PAPPA2: variants seen among roughly 807,000 people sequenced by gnomAD.
PAPPA2 encodes the protein pappalysin 2.
A neutral mutation model predicts 176.4 loss-of-function variants in PAPPA2; 86 were observed. The ratio of observed to expected loss-of-function variants is 0.49; its 90% CI spans 0.41 to 0.58. The LOEUF (loss-of-function observed/expected upper bound fraction) is 0.58, where lower values mean the gene tolerates loss of function less well. PAPPA2 is among the 20% of genes least tolerant of loss of function. PAPPA2 has a pLI of 0.00. For synonymous variants in PAPPA2, 809 were observed against 852.2 expected, an observed-to-expected ratio of 0.95 and a Z score of 0.88; for missense variants, 2,073 against 2,256.9, an observed-to-expected ratio of 0.92 and a Z score of 1.65.
chr1:176,761,685 T>C (rs991182171), intron 14 of PAPPA2, among the ~76,000 whole-genome samples: 4 of 152,196 alleles, frequency 2.6e-5, no homozygotes, highest in African/African-American at 9.6e-5. Context: ...CCGTGGGAGA[T>C]GGCCCGGTGG....
chr1:176,640,479 G>A (rs1657009666), intron 3 of PAPPA2, among the ~76,000 whole-genome samples: 1 of 151,550 alleles, frequency 6.6e-6, no homozygotes, highest in Non-Finnish European at 1.5e-5. Flanking sequence ...TACTGAGAAT[G>A]ATGATTTCCA....
At chr1:176,832,660 G>C (rs941364419) in intron 21 of PAPPA2, among the ~76,000 whole-genome samples, 4 of 152,132 alleles carry the variant, frequency 2.6e-5, no homozygotes, top group Non-Finnish European at 5.9e-5. Flanking sequence ...GCCATATTCT[G>C]TGCTTTTAAT....
At chr1:176,816,996 A>T (rs961433395) in intron 21 of PAPPA2, among the ~76,000 whole-genome samples, 2 of 152,116 alleles carry the variant, frequency 1.3e-5, no homozygotes, top group African/African-American at 4.8e-5. Context: ...ATCATGTTAG[A>T]TCCTAGGAAT....
chr1:176,608,420 A>G (rs925965969), intron 3 of PAPPA2, among the ~76,000 whole-genome samples: 13 of 152,306 alleles, frequency 8.5e-5, no homozygotes, highest in African/African-American at 2.9e-4. Flanking sequence ...ACTTTAAAAT[A>G]TATTATTGGC....
At chr1:176,613,203 C>T (rs1174132712) in intron 3 of PAPPA2, among the ~76,000 whole-genome samples, 1 of 152,158 alleles carries the variant, frequency 6.6e-6, no homozygotes, top group African/African-American at 2.4e-5. Flanking sequence ...AACTCCATTT[C>T]CTTCTTTCAC....
chr1:176,598,359 A>T (rs547175945), intron 3 of PAPPA2, among the ~76,000 whole-genome samples: 119 of 151,968 alleles, frequency 7.8e-4, no homozygotes, highest in Non-Finnish European at 1.4e-3. Context: ...TTGATTTCTG[A>T]TGATACAGAC....
chr1:176,617,852 T>C (rs1655359415), intron 3 of PAPPA2, among the ~76,000 whole-genome samples: 1 of 152,144 alleles, frequency 6.6e-6, no homozygotes, highest in Non-Finnish European at 1.5e-5. Context: ...TAAACTGTGG[T>C]GCATGGAGAA....
intron 14 of PAPPA2, among the ~76,000 whole-genome samples, chr1:176,742,354 T>C (rs562154297): frequency 6.6e-6 from 1 of 152,256 alleles, no homozygotes; most frequent in South Asian, 2.1e-4. Flanking sequence ...GGAACAAGAA[T>C]TCCCCTTACA....
chr1:176,789,403 G>A (rs202099620), intron 17 of PAPPA2, among the ~76,000 whole-genome samples: 3 of 151,936 alleles, frequency 2.0e-5, no homozygotes, highest in African/African-American at 7.3e-5. Context: ...GGACTGTTGT[G>A]GGGTGGGGGG....
intron 2 of PAPPA2, among the ~76,000 whole-genome samples, chr1:176,560,687 C>A (rs1651614206): frequency 6.6e-6 from 1 of 152,258 alleles, no homozygotes. Context: ...ACGTGTGTAA[C>A]TTTTAAGCTC....
intron 20 of PAPPA2, among the ~76,000 whole-genome samples, chr1:176,794,707 G>A (rs1016719108): frequency 1.3e-5 from 2 of 152,084 alleles, no homozygotes; most frequent in African/African-American, 4.8e-5. Context: ...TTGTGAGACT[G>A]AGAAGAGAGG....
chr1:176,793,466 T>C, intron 19 of PAPPA2, 94 bp from the exon 20 acceptor site: 1 of 1,043,188 alleles, frequency 9.6e-7, no homozygotes. Flanking sequence ...ATGAAAGCAG[T>C]TGTTCTTTAA....
At chr1:176,467,649 G>A (rs897976023) in intron 1 of PAPPA2, among the ~76,000 whole-genome samples, 1 of 152,190 alleles carries the variant, frequency 6.6e-6, no homozygotes, top group African/African-American at 2.4e-5. Flanking sequence ...TCAATTCACA[G>A]TGGAGCCAGC....
intron 17 of PAPPA2, among the ~76,000 whole-genome samples, chr1:176,783,536 A>T (rs1477796499): frequency 2.0e-5 from 3 of 152,226 alleles, no homozygotes; most frequent in South Asian, 2.1e-4. Flanking sequence ...CATTAGGTGG[A>T]TACCATAAGT....
At chr1:176,754,058 GA>G (rs1274116766) in intron 14 of PAPPA2, among the ~76,000 whole-genome samples, 1 of 151,386 alleles carries the variant, frequency 6.6e-6, no homozygotes, top group East Asian at 1.9e-4. Flanking sequence ...GGTTATAGAG[GA>G]AAAATGAAGA....
intron 1 of PAPPA2, among the ~76,000 whole-genome samples, chr1:176,535,765 T>C (rs1650038268): frequency 6.6e-6 from 1 of 152,210 alleles, no homozygotes; most frequent in African/African-American, 2.4e-5. Context: ...TTTTCTCATG[T>C]ATATATTGGG....
rs533487383 is a variant in PAPPA2, at chr1:176,639,425, A to C, written c.1992-31545A>C. ...TAAAAAGATTGCCTGGTATAGGAAG[A>C]ATATTCTAACTTAAATCTAATTTGG... On this transcript the variant is annotated intron_variant, in intron 3 of 22. Coordinates refer to ENST00000367662, the MANE Select transcript of PAPPA2 (RefSeq NM_020318.3). Among the ~76,000 whole-genome samples, 39 of 152,248 alleles carry C rather than the reference A, an allele frequency of 2.6e-4. No homozygotes were observed. The South Asian group carries it at 7.9e-3, about 31-fold the overall frequency.
intron 3 of PAPPA2, among the ~76,000 whole-genome samples, chr1:176,645,958 AG>A (rs1361914003): frequency 1.3e-5 from 2 of 151,354 alleles, no homozygotes; most frequent in Non-Finnish European, 3.0e-5. Flanking sequence ...TTTACTATTG[AG>A]GTTTTTTAGT....
At chr1:176,635,011 A>ATAGC (rs1656614079) in intron 3 of PAPPA2, among the ~76,000 whole-genome samples, 2 of 151,756 alleles carry the variant, frequency 1.3e-5, no homozygotes, top group Admixed American at 1.3e-4. Context: ...AGATAGATAG[A>ATAGC]TAGATGCACA....
Sources: allele counts gnomAD v4.1 joint callset (sites outside exome capture counted in the v4.1 genomes callset), GRCh38; gene constraint gnomAD v4.1.1; transcripts MANE v1.5; gene names NCBI Gene and HGNC (gene_info 2026-07-23, HGNC 2026-07-21).